The following DYNC2H1 variants were observed in gnomAD, a reference collection of about 807,000 sequenced individuals.
DYNC2H1 encodes the protein dynein cytoplasmic 2 heavy chain 1, also known as cytoplasmic dynein 2 heavy chain 1.
Under a neutral mutation model 570.0 loss-of-function variants are expected in DYNC2H1, and 410 were observed. That is an observed-to-expected ratio of 0.72 (90% CI 0.66 to 0.78). The LOEUF is 0.78. Among genes scored for constraint, DYNC2H1 ranks in the 30% least tolerant of loss-of-function variants. DYNC2H1 has a pLI of 0.00. For synonymous variants in DYNC2H1, 1,688 were observed against 1,677.6 expected, an observed-to-expected ratio of 1.01 and a Z score of -0.15; for missense variants, 4,865 against 5,046.4, an observed-to-expected ratio of 0.96 and a Z score of 1.09.
At chr11:103,251,274 C>T (rs1215999413) in intron 65 of DYNC2H1, among the ~76,000 whole-genome samples, 2 of 151,944 alleles carry the variant, frequency 1.3e-5, no homozygotes, top group Non-Finnish European at 2.9e-5. Flanking sequence ...ATGAAATGTT[C>T]TTCTTTATCT....
At chr11:103,429,153 C>T (rs1044946806) in intron 84 of DYNC2H1, among the ~76,000 whole-genome samples, 4 of 151,642 alleles carry the variant, frequency 2.6e-5, no homozygotes, top group South Asian at 2.1e-4. Flanking sequence ...TCCAGCTACT[C>T]GGGAGACTGA....
At chr11:103,358,511 T>A (rs1462486216) in intron 83 of DYNC2H1, among the ~76,000 whole-genome samples, 152 bp downstream of exon 83, 2 of 152,212 alleles carry the variant, frequency 1.3e-5, no homozygotes, top group African/African-American at 4.8e-5. Context: ...TTCATACCAG[T>A]GCACATCAAA....
At position 103,289,859 on chromosome 11, in the gene DYNC2H1, A is replaced by G. The variant is rs1177007565; in HGVS notation, c.11095+2254A>G. 6.6e-6 allele frequency among the ~76,000 whole-genome samples: 1 copy of G among 152,184 alleles called. No homozygotes were observed. The highest frequency in any genetic ancestry group is 1.9e-4 in the East Asian group (1 of 5,168). On this transcript the variant is annotated intron_variant, in intron 75 of 88. Transcript: ENST00000375735. This position sits in a 1 kb window ranked among gnomAD's most constrained non-coding sequence, Gnocchi z 4.2. Reference sequence around the variant, plus strand: ...ATATTTAGTTACGATATTTGGACTGAGTGTTCCTCAATCCAATATGATTGG... The same window carrying G: ...ATATTTAGTTACGATATTTGGACTGGGTGTTCCTCAATCCAATATGATTGG...
At position 103,324,038 on chromosome 11, in the gene DYNC2H1, TG is replaced by T; in HGVS notation, c.12039+49del. 7.1e-7 allele frequency: 1 copy of T among 1,411,000 alleles called. No individual in the cohort carries two copies. Among genetic ancestry groups the T allele is most frequent in the Non-Finnish European group, 9.5e-7 (1 of 1,052,642 alleles). The allele number at this position is 1,411,000 out of a possible 1,614,324, so 87.4% of individuals were successfully genotyped here. ...CTTCAAAAAAAGTTGCTAGTGAGCC[TG>T]AAGGAGACAAAATTAAACTTGATTT... On this transcript the variant is annotated intron_variant, in intron 82 of 88. Coordinates refer to ENST00000375735, the MANE Select transcript of DYNC2H1 (RefSeq NM_001377.3). This position sits in a 1 kb window ranked among gnomAD's most constrained non-coding sequence, Gnocchi z 5.2.
At chr11:103,441,904 T>C (rs1944284426) in intron 85 of DYNC2H1, among the ~76,000 whole-genome samples, 2 of 152,188 alleles carry the variant, frequency 1.3e-5, no homozygotes, top group Admixed American at 1.3e-4. Context: ...TGCTACCATA[T>C]TCTGCATTTC....
intron 24 of DYNC2H1, among the ~76,000 whole-genome samples, 175 bp downstream of exon 24, chr11:103,154,984 A>G (rs927168586): frequency 1.3e-5 from 2 of 152,102 alleles, no homozygotes; most frequent in African/African-American, 4.8e-5. Flanking sequence ...TCTACTACCA[A>G]TGAGAAAGAA....
rs772194195 is a variant in DYNC2H1, at chr11:103,199,311, T to TA, written c.7924dup (p.Arg2642LysfsTer45). On this transcript the variant is annotated frameshift_variant, in exon 49 of 89. Transcript: ENST00000375735. LOFTEE classifies it high-confidence loss of function. The surrounding 1 kb of genome is among the most constrained non-coding windows in gnomAD (Gnocchi z 4.6). ...TCTTGGAGTATATGTCTAGGATAGA[T>TA]AGAGTGCTGAGTTTCCCTGGAGGTT... The TA allele has an allele frequency of 6.2e-7, 1 of 1,611,750 alleles. No homozygotes were observed. The highest frequency in any genetic ancestry group is 2.2e-5 in the East Asian group (1 of 44,808).
intron 82 of DYNC2H1, among the ~76,000 whole-genome samples, chr11:103,328,072 T>C (rs1414245875): frequency 6.6e-6 from 1 of 152,206 alleles, no homozygotes; most frequent in Non-Finnish European, 1.5e-5. Context: ...CACTCGAATA[T>C]AGCAAAAAAT....
intron 26 of DYNC2H1, 80 bp downstream of exon 26, chr11:103,156,850 C>T: frequency 6.6e-7 from 1 of 1,506,518 alleles, no homozygotes; most frequent in Non-Finnish European, 8.9e-7. Flanking sequence ...TTAATACAGG[C>T]AAATTACTTT....
chr11:103,176,500 C>A, intron 37 of DYNC2H1, 66 bp downstream of exon 37: 2 of 1,210,578 alleles, frequency 1.7e-6, no homozygotes, highest in Non-Finnish European at 2.2e-6. Flanking sequence ...ATTAACTATC[C>A]TTGTCCTTCA....
chr11:103,304,724 G>A lies in DYNC2H1; in HGVS notation c.11382+4G>A. ...TTGGCTGCCAGTTCTGGAAAAGGTAGATTCAGATAAATGTACAAATAATAT... is the reference window on the plus strand; with the variant it reads ...TTGGCTGCCAGTTCTGGAAAAGGTAAATTCAGATAAATGTACAAATAATAT... On this transcript the variant is annotated splice_donor_region_variant and intron_variant, in intron 77 of 88. Transcript: ENST00000375735. 6.2e-7 allele frequency: 1 copy of A among 1,608,160 alleles called. No individual in the cohort carries two copies. Among genetic ancestry groups the A allele is most frequent in the Non-Finnish European group, 8.5e-7 (1 of 1,177,794 alleles).
At chr11:103,454,006 G>A (rs141309849) in intron 85 of DYNC2H1, among the ~76,000 whole-genome samples, 181 of 152,068 alleles carry the variant, frequency 1.2e-3, no homozygotes, top group African/African-American at 4.0e-3. Flanking sequence ...AGTCTTTTCT[G>A]TTTATACAAA....
At chr11:103,242,263 A>G (rs922962615) in intron 63 of DYNC2H1, among the ~76,000 whole-genome samples, 1 of 152,228 alleles carries the variant, frequency 6.6e-6, no homozygotes, top group Non-Finnish European at 1.5e-5. Flanking sequence ...AGTTCAATGT[A>G]TAAGTTACAC....
chr11:103,391,312 A>G, intron 83 of DYNC2H1, among the ~76,000 whole-genome samples: 1 of 152,174 alleles, frequency 6.6e-6, no homozygotes, highest in East Asian at 1.9e-4. Flanking sequence ...TTGTGCATTC[A>G]TCACGTAGTT....
intron 59 of DYNC2H1, among the ~76,000 whole-genome samples, chr11:103,226,621 T>C (rs1284170692): frequency 6.6e-6 from 1 of 152,220 alleles, no homozygotes; most frequent in Non-Finnish European, 1.5e-5. Flanking sequence ...ACTAGTGTTT[T>C]GTGGAGGATT....
intron 83 of DYNC2H1, among the ~76,000 whole-genome samples, chr11:103,384,932 C>T (rs913273412): frequency 6.6e-6 from 1 of 152,020 alleles, no homozygotes; most frequent in African/African-American, 2.4e-5. Context: ...CTTTAATTTG[C>T]CCTCTGTCTT....
chr11:103,178,879 C>T (rs1057428336), intron 38 of DYNC2H1, 147 bp from the exon 39 acceptor site: 12 of 689,514 alleles, frequency 1.7e-5, no homozygotes, highest in African/African-American at 1.6e-4. Flanking sequence ...GAGTCTTTGG[C>T]CAGCTGAGCC....
chr11:103,311,906 T>C lies in DYNC2H1; in HGVS notation c.11522T>C (p.Met3841Thr), dbSNP rs765974032. Residue 3841 changes from methionine to threonine, a missense_variant, in exon 79 of 89, where the codon ATG becomes ACG. By Grantham distance (81) the Met-to-Thr change is moderately conservative (BLOSUM62 -1). Coordinates refer to ENST00000375735, the MANE Select transcript of DYNC2H1 (RefSeq NM_001377.3). ...CCTCCAGGTTTAAAGAAGAATTTAATGCGTACTTATGAGTCTTGGACTCCT... is the reference window on the plus strand; with the variant it reads ...CCTCCAGGTTTAAAGAAGAATTTAACGCGTACTTATGAGTCTTGGACTCCT... ...ESPPGLKKNL[M>T]RTYESWTPEQ... The C allele has an allele frequency of 6.2e-7, 1 of 1,611,146 alleles. No individual in the cohort carries two copies. Among genetic ancestry groups the C allele is most frequent in the East Asian group, 2.2e-5 (1 of 44,726 alleles).
intron 83 of DYNC2H1, among the ~76,000 whole-genome samples, chr11:103,370,198 T>C (rs1321813751): frequency 2.0e-5 from 3 of 152,220 alleles, no homozygotes; most frequent in African/African-American, 7.2e-5. Flanking sequence ...TATGAGCCTG[T>C]TGTGGCAGTG....
Sources: allele counts gnomAD v4.1 joint callset (sites outside exome capture counted in the v4.1 genomes callset), GRCh38; gene constraint gnomAD v4.1.1; non-coding constraint Gnocchi (gnomAD v3.1); transcripts MANE v1.5; gene names NCBI Gene and HGNC (gene_info 2026-07-23, HGNC 2026-07-21).